JMY: variants seen among roughly 807,000 people sequenced by gnomAD.
JMY encodes junction mediating and regulatory protein, p53 cofactor.
JMY carries 46 observed loss-of-function variants against 103.3 expected under a neutral mutation model. That is an observed-to-expected ratio of 0.45 (90% CI 0.35 to 0.57). The LOEUF (loss-of-function observed/expected upper bound fraction) is 0.57, where lower values mean the gene tolerates loss of function less well. JMY is among the 20% of genes least tolerant of loss of function. JMY has a pLI of 0.00. For synonymous variants in JMY, 526 were observed against 489.3 expected (o/e 1.07, Z -0.99); for missense variants, 1,238 against 1,255.2 (o/e 0.99, Z 0.21).
chr5:79,238,794 C>A (rs1370571536), intron 1 of JMY, among the ~76,000 whole-genome samples: 2 of 151,824 alleles, frequency 1.3e-5, no homozygotes, highest in African/African-American at 4.8e-5. Context: ...ACTACAGGTG[C>A]GCGCCACCAC....
At chr5:79,302,620 A>G (rs1213771616) in intron 6 of JMY, among the ~76,000 whole-genome samples, 1 of 152,238 alleles carries the variant, frequency 6.6e-6, no homozygotes. Flanking sequence ...TTGTCAGAGC[A>G]TTCTACATTG....
chr5:79,320,697 C>G (rs1214212223), intron 10 of JMY, among the ~76,000 whole-genome samples: 1 of 152,094 alleles, frequency 6.6e-6, no homozygotes, highest in Non-Finnish European at 1.5e-5. Flanking sequence ...GTCCAATAGT[C>G]ACATCAAAAA....
intron 1 of JMY, among the ~76,000 whole-genome samples, chr5:79,264,178 C>T (rs1278993477): frequency 3.3e-5 from 5 of 151,992 alleles, no homozygotes; most frequent in East Asian, 1.9e-4. Context: ...CTGGCCCTCC[C>T]GGGCTCAGGT....
intron 8 of JMY, 126 bp from the exon 9 acceptor site, chr5:79,314,131 T>TTAG (rs1425705175): frequency 4.8e-6 from 7 of 1,451,278 alleles, no homozygotes; most frequent in Middle Eastern, 2.1e-4. Flanking sequence ...AGTGCTGGGA[T>TTAG]TACAGGCGTG....
chr5:79,304,419 A>G (rs1167974941), intron 6 of JMY, among the ~76,000 whole-genome samples: 1 of 152,206 alleles, frequency 6.6e-6, no homozygotes, highest in Non-Finnish European at 1.5e-5. Flanking sequence ...TTAAGATTGC[A>G]TACACAGTTC....
chr5:79,247,954 A>G (rs1449294146), intron 1 of JMY, among the ~76,000 whole-genome samples: 6 of 151,416 alleles, frequency 4.0e-5, no homozygotes, highest in Non-Finnish European at 1.5e-5. Context: ...GTGCAGTGGC[A>G]GAATCTTGGC....
intron 2 of JMY, among the ~76,000 whole-genome samples, chr5:79,288,257 C>G (rs1047142424): frequency 6.6e-6 from 1 of 152,162 alleles, no homozygotes; most frequent in African/African-American, 2.4e-5. Flanking sequence ...TGAAAGCAAG[C>G]AGGCTGGACT....
In JMY at chr5:79,316,114, T is replaced by C. The variant is rs1443737605; in HGVS notation, c.2774T>C (p.Ile925Thr). The C allele has an allele frequency of 6.2e-7, 1 of 1,614,102 alleles. No individual in the cohort carries two copies. Among genetic ancestry groups the C allele is most frequent in the South Asian group, 1.1e-5 (1 of 91,072 alleles). ...CCTGATGAAGATGATAGTAATAATATCTTGGCACAAATAAGGAAAGGGGTA... is the reference window on the plus strand; with the variant it reads ...CCTGATGAAGATGATAGTAATAATACCTTGGCACAAATAAGGAAAGGGGTA... ...PFPDEDDSNN[I>T]LAQIRKGVKL... The change falls in exon 10 of 11, where the codon ATC becomes ACC. Residue 925 changes from isoleucine to threonine, a missense_variant. Physicochemically the swap from Ile to Thr is moderately conservative, Grantham distance 89. Transcript: ENST00000396137.
intron 7 of JMY, among the ~76,000 whole-genome samples, chr5:79,307,503 G>C (rs374521044): frequency 1.2e-4 from 19 of 152,152 alleles, no homozygotes; most frequent in African/African-American, 4.3e-4. Context: ...TTAAGAGATG[G>C]AGTCTTGATA....
At chr5:79,275,688 G>T (rs1745917912) in intron 1 of JMY, among the ~76,000 whole-genome samples, 1 of 152,126 alleles carries the variant, frequency 6.6e-6, no homozygotes, top group African/African-American at 2.4e-5. Context: ...GGCAAAAGTT[G>T]CTCTGATAGA....
chr5:79,256,748 C>T (rs1745255700), intron 1 of JMY, among the ~76,000 whole-genome samples: 2 of 151,856 alleles, frequency 1.3e-5, no homozygotes, highest in South Asian at 4.1e-4. Context: ...GCTGACCTTC[C>T]TGCCTTCCTC....
At chr5:79,263,853 A>G (rs1182954436) in intron 1 of JMY, among the ~76,000 whole-genome samples, 1 of 151,096 alleles carries the variant, frequency 6.6e-6, no homozygotes, top group East Asian at 2.0e-4. Context: ...GCTGGAGTGC[A>G]GTGGTACGAT....
intron 1 of JMY, among the ~76,000 whole-genome samples, chr5:79,275,327 A>AT (rs1372451642): frequency 2.6e-5 from 4 of 151,588 alleles, no homozygotes; most frequent in East Asian, 1.9e-4. Flanking sequence ...CGCCTGGCTA[A>AT]TTTTTTTGTA....
intron 1 of JMY, among the ~76,000 whole-genome samples, chr5:79,248,717 A>G (rs1379685003): frequency 6.6e-6 from 1 of 152,154 alleles, no homozygotes; most frequent in Non-Finnish European, 1.5e-5. Flanking sequence ...AGGACAGTTA[A>G]GGATGTTAAT....
intron 6 of JMY, among the ~76,000 whole-genome samples, chr5:79,302,154 A>G (rs1241689661): frequency 1.3e-5 from 2 of 152,114 alleles, no homozygotes; most frequent in East Asian, 1.9e-4. Flanking sequence ...GGAGAATGAA[A>G]AGTAAATAAG....
intron 1 of JMY, among the ~76,000 whole-genome samples, chr5:79,273,776 G>A (rs1745852256): frequency 6.6e-6 from 1 of 152,084 alleles, no homozygotes; most frequent in Non-Finnish European, 1.5e-5. Flanking sequence ...TCGGGTTGTG[G>A]GGGAAGACCT....
At chr5:79,309,911 A>C (rs955070199) in intron 7 of JMY, among the ~76,000 whole-genome samples, 1 of 151,726 alleles carries the variant, frequency 6.6e-6, no homozygotes, top group African/African-American at 2.4e-5. Flanking sequence ...CACTTCCAAT[A>C]TATTTCTTTT....
At chr5:79,247,850 A>G (rs1334556939) in intron 1 of JMY, among the ~76,000 whole-genome samples, 3 of 149,236 alleles carry the variant, frequency 2.0e-5, no homozygotes, top group African/African-American at 7.4e-5. Flanking sequence ...ATTTTATTTT[A>G]TTTTATTTTT....
chr5:79,307,161 T>C (rs1278914599), intron 7 of JMY, among the ~76,000 whole-genome samples: 1 of 152,218 alleles, frequency 6.6e-6, no homozygotes, highest in Admixed American at 6.5e-5. Flanking sequence ...TTGAAGGACA[T>C]CTTGGTTGCT....
Sources: allele counts gnomAD v4.1 joint callset (sites outside exome capture counted in the v4.1 genomes callset), GRCh38; gene constraint gnomAD v4.1.1; transcripts MANE v1.5; gene names NCBI Gene and HGNC (gene_info 2026-07-23, HGNC 2026-07-21).